The following FBXO3 variants were observed in gnomAD, a reference collection of about 807,000 sequenced individuals.
FBXO3 encodes the protein F-box protein 3.
In FBXO3, 17 loss-of-function variants were observed where a neutral mutation model predicts 64.8. That is an observed-to-expected ratio of 0.26 (90% confidence interval 0.18 to 0.39). The LOEUF (loss-of-function observed/expected upper bound fraction) is 0.39. Ranked by LOEUF, FBXO3 falls within the 10% of genes least tolerant of loss-of-function variation. The pLI is 1.00. For missense variants in FBXO3, 420 were observed against 589.9 expected (o/e 0.71, Z 2.98); for synonymous variants, 182 against 201.6 (o/e 0.90, Z 0.82).
Position 33,755,835 on chromosome 11 carries a change from C to T in FBXO3, c.614G>A (p.Ser205Asn). The T allele has an allele frequency of 6.2e-7, 1 of 1,614,156 alleles. No individual in the cohort carries two copies. ...PLTFCIHTGLSQYIAVEAAEG... is the reference protein window; with the variant it reads ...PLTFCIHTGLNQYIAVEAAEG... Reference sequence around the variant, plus strand: ...TGCAGCTTCCACTGCTATGTACTGACTCAAACCAGTATGTATGCAAAAAGT... The same window carrying T: ...TGCAGCTTCCACTGCTATGTACTGATTCAAACCAGTATGTATGCAAAAAGT... The change falls in exon 5 of 11, where the codon AGT becomes AAT. Residue 205 changes from serine to asparagine, a missense_variant. By Grantham distance (46) the Ser-to-Asn change is conservative. Coordinates refer to ENST00000265651, the MANE Select transcript of FBXO3 (RefSeq NM_012175.4).
chr11:33,749,248 C>T (rs550357536), intron 8 of FBXO3, among the ~76,000 whole-genome samples: 15 of 152,134 alleles, frequency 9.9e-5, no homozygotes, highest in South Asian at 4.1e-4. Context: ...GAAAAACTTC[C>T]GGAGAACTGA....
At chr11:33,764,159 G>A (rs1855310565) in intron 3 of FBXO3, among the ~76,000 whole-genome samples, 1 of 152,168 alleles carries the variant, frequency 6.6e-6, no homozygotes, top group African/African-American at 2.4e-5. Flanking sequence ...AGTCTACTCA[G>A]ATAATGGAGT....
chr11:33,772,878 G>A (rs1219175519), intron 1 of FBXO3: 2 of 151,864 alleles, frequency 1.3e-5, no homozygotes, highest in Non-Finnish European at 2.9e-5. Context: ...CCATCTACCT[G>A]ACATGGCAAA....
At chr11:33,752,816 G>A (rs1854995932) in intron 6 of FBXO3, among the ~76,000 whole-genome samples, 2 of 152,034 alleles carry the variant, frequency 1.3e-5, no homozygotes, top group South Asian at 4.1e-4. Flanking sequence ...TCATATATAT[G>A]TATATTTTGT....
intron 2 of FBXO3, among the ~76,000 whole-genome samples, chr11:33,769,723 GGAGA>G (rs375507057): frequency 4.0e-5 from 6 of 151,336 alleles, no homozygotes; most frequent in South Asian, 2.1e-4. Flanking sequence ...AGAGAAGTGG[GGAGA>G]GAGAGAGAGA....
intron 3 of FBXO3, chr11:33,763,247 G>A (rs1341781905): frequency 9.0e-6 from 4 of 444,474 alleles, no homozygotes; most frequent in African/African-American, 2.0e-5. Context: ...AACACTTCTC[G>A]ACTCGTTTTA....
intron 9 of FBXO3, among the ~76,000 whole-genome samples, 194 bp from the exon 10 acceptor site, chr11:33,747,514 CTTTTT>C (rs375433121): frequency 4.3e-5 from 6 of 140,948 alleles, no homozygotes; most frequent in Non-Finnish European, 6.2e-5. Context: ...TTCCTCTTGA[CTTTTT>C]TTTTTTTTTT....
At chr11:33,762,440 A>AACAAATT (rs1855265814) in intron 3 of FBXO3, among the ~76,000 whole-genome samples, 1 of 152,222 alleles carries the variant, frequency 6.6e-6, no homozygotes. Context: ...ACTCACATAA[A>AACAAATT]GTATATCCTG....
In FBXO3 at chr11:33,774,387, C is replaced by G; in HGVS notation, c.104+7G>C. ...CCCCACCCCTGCCATGCGTGTCGTC[C>G]CATTACTTGATTAGATCCCGATAGT... On this transcript the variant is annotated splice_region_variant and intron_variant, in intron 1 of 10. Transcript: ENST00000265651. 2 of 1,598,750 alleles carry G rather than the reference C, an allele frequency of 1.3e-6. No individual in the cohort carries two copies. Among genetic ancestry groups the G allele is most frequent in the Non-Finnish European group, 1.7e-6 (2 of 1,172,424 alleles).
At chr11:33,772,228 C>T (rs1440757034) in intron 1 of FBXO3, 1 of 152,150 alleles carries the variant, frequency 6.6e-6, no homozygotes, top group Non-Finnish European at 1.5e-5. Flanking sequence ...CTAGACTAGA[C>T]CCTTGACAAA....
chr11:33,773,963 C>A (rs1212697866), intron 1 of FBXO3: 1 of 156,934 alleles, frequency 6.4e-6, no homozygotes, highest in African/African-American at 2.4e-5. Context: ...CACCCCGGCG[C>A]CAGACTCCGC....
chr11:33,772,362 G>A (rs1165502485), intron 1 of FBXO3: 3 of 152,150 alleles, frequency 2.0e-5, no homozygotes, highest in Non-Finnish European at 4.4e-5. Context: ...TGTCACTTCT[G>A]TTTAAAATTG....
At position 33,748,909 on chromosome 11, in the gene FBXO3, G is replaced by A; in HGVS notation, c.933-17C>T. The A allele has an allele frequency of 6.4e-7, 1 of 1,552,212 alleles. No individual in the cohort carries two copies. Among genetic ancestry groups the A allele is most frequent in the Non-Finnish European group, 8.9e-7 (1 of 1,124,914 alleles). ...ATTTCAATCCTAGAGAAGGGAATGG[G>A]GTGGTAGAGACAAAAATCTGGCTTC... On this transcript the variant is annotated splice_polypyrimidine_tract_variant and intron_variant, in intron 8 of 10. Coordinates refer to ENST00000265651, the MANE Select transcript of FBXO3 (RefSeq NM_012175.4).
At chr11:33,770,862 A>T (rs910486461) in intron 1 of FBXO3, 32 bp from the exon 2 acceptor site, 1 of 1,489,462 alleles carries the variant, frequency 6.7e-7, no homozygotes, top group Non-Finnish European at 9.2e-7. Flanking sequence ...GATAGTATTT[A>T]AAAAAGTAAG....
chr11:33,766,759 G>C (rs1398441168), intron 3 of FBXO3, among the ~76,000 whole-genome samples: 2 of 152,158 alleles, frequency 1.3e-5, no homozygotes, highest in African/African-American at 4.8e-5. Flanking sequence ...TGTGGCAGCT[G>C]AGGTGAGCAG....
In FBXO3 at chr11:33,751,549, G is replaced by C; in HGVS notation, c.783C>G (p.Phe261Leu). The C allele has an allele frequency of 6.2e-7, 1 of 1,609,180 alleles. No individual in the cohort carries two copies. The highest frequency in any genetic ancestry group is 8.5e-7 in the Non-Finnish European group (1 of 1,178,034). Residue 261 changes from phenylalanine (F) to leucine (L), a missense_variant, in exon 7 of 11, where the codon TTC becomes TTG. Around this residue, in one of 3 missense-constraint regions of FBXO3, gnomAD observed 337 missense variants for 518.4 expected, o/e 0.65. Coordinates refer to ENST00000265651, the MANE Select transcript of FBXO3 (RefSeq NM_012175.4). ...TGAAAATTTGGTCTCTGATGATGGG[G>C]AAGCCACCTGATACAACATTTTTGA... ...SYVKNVVSGG[F>L]PIIRDQIFRY...
intron 2 of FBXO3, 152 bp from the exon 3 acceptor site, chr11:33,769,166 T>C (rs1159398301): frequency 4.9e-6 from 3 of 616,898 alleles, no homozygotes; most frequent in South Asian, 4.1e-5. Context: ...AAGTGATATA[T>C]ACATAAAAAA....
intron 3 of FBXO3, among the ~76,000 whole-genome samples, chr11:33,768,383 TA>T (rs1424774551): frequency 6.6e-6 from 1 of 152,212 alleles, no homozygotes; most frequent in Non-Finnish European, 1.5e-5. Flanking sequence ...AAGTTTTCCT[TA>T]CTCTACTAGG....
At chr11:33,754,248 A>C in intron 6 of FBXO3, 2 of 479,680 alleles carry the variant, frequency 4.2e-6, no homozygotes, top group Non-Finnish European at 7.3e-6. Context: ...TATATGGACT[A>C]GCTTTTTTCA....
Sources: allele counts gnomAD v4.1 joint callset (sites outside exome capture counted in the v4.1 genomes callset), GRCh38; gene constraint gnomAD v4.1.1; regional missense constraint gnomAD v4.1.1; transcripts MANE v1.5; gene names NCBI Gene and HGNC (gene_info 2026-07-23, HGNC 2026-07-21).